BICDL1: variants seen among roughly 807,000 people sequenced by gnomAD.
The protein encoded by BICDL1 is BICD family-like cargo adapter 1.
Under a neutral mutation model 76.8 loss-of-function variants are expected in BICDL1, and 20 were observed. The observed-to-expected ratio is 0.26, with a 90% confidence interval of 0.18 to 0.38. BICDL1 has a LOEUF of 0.38. BICDL1 is among the 10% of genes least tolerant of loss of function. BICDL1 has a pLI of 1.00. For missense variants in BICDL1, 700 were observed against 798.6 expected (o/e 0.88, Z 1.49); for synonymous variants, 383 against 337.1 (o/e 1.14, Z -1.49).
intron 2 of BICDL1, among the ~76,000 whole-genome samples, chr12:120,027,678 G>A (rs553245413): frequency 2.0e-5 from 3 of 152,104 alleles, no homozygotes; most frequent in African/African-American, 7.2e-5. Flanking sequence ...AATCCAATTT[G>A]CACTCTGCAG....
At chr12:120,087,295 G>T (rs966208121) in intron 8 of BICDL1, among the ~76,000 whole-genome samples, 1 of 152,228 alleles carries the variant, frequency 6.6e-6, no homozygotes, top group East Asian at 1.9e-4. Context: ...GGGCTGACGC[G>T]GTGGCTGAGC....
At chr12:120,006,108 A>T (rs1172592187) in intron 2 of BICDL1, among the ~76,000 whole-genome samples, 1 of 152,190 alleles carries the variant, frequency 6.6e-6, no homozygotes, top group Non-Finnish European at 1.5e-5. Flanking sequence ...TGAGGTAATT[A>T]TCATCACAAA....
intron 2 of BICDL1, among the ~76,000 whole-genome samples, chr12:120,045,116 A>G (rs2138825522): frequency 6.6e-6 from 1 of 152,320 alleles, no homozygotes; most frequent in South Asian, 2.1e-4. Flanking sequence ...AAGGACATAA[A>G]CAGACACTTC....
At chr12:120,015,489 C>T (rs1235135056) in intron 2 of BICDL1, among the ~76,000 whole-genome samples, 1 of 152,172 alleles carries the variant, frequency 6.6e-6, no homozygotes, top group Non-Finnish European at 1.5e-5. Flanking sequence ...TTTGATCTCT[C>T]CTACTTACCA....
At chr12:120,000,868 A>T (rs1368564025) in intron 2 of BICDL1, among the ~76,000 whole-genome samples, 1 of 152,222 alleles carries the variant, frequency 6.6e-6, no homozygotes, top group Non-Finnish European at 1.5e-5. Flanking sequence ...TAATGTGTTT[A>T]TGTTAAACAG....
At chr12:120,020,099 T>C (rs1468893026) in intron 2 of BICDL1, among the ~76,000 whole-genome samples, 1 of 152,248 alleles carries the variant, frequency 6.6e-6, no homozygotes, top group East Asian at 1.9e-4. Context: ...GCACCCCCAG[T>C]GCCCATATTT....
At chr12:119,999,889 T>C in intron 2 of BICDL1, 1 of 374,876 alleles carries the variant, frequency 2.7e-6, no homozygotes, top group East Asian at 7.9e-5. Flanking sequence ...GATGTTCTCA[T>C]GGGAGCAGTG....
chr12:120,003,517 A>C (rs1430062607), intron 2 of BICDL1, among the ~76,000 whole-genome samples: 1 of 152,216 alleles, frequency 6.6e-6, no homozygotes, highest in East Asian at 1.9e-4. Flanking sequence ...TCACTCTTAC[A>C]CTGCGTGTAT....
At chr12:120,011,305 C>T (rs1216725341) in intron 2 of BICDL1, among the ~76,000 whole-genome samples, 4 of 152,170 alleles carry the variant, frequency 2.6e-5, no homozygotes, top group Non-Finnish European at 5.9e-5. Flanking sequence ...GAAATGTAGA[C>T]CAGCTTTTTG....
intron 2 of BICDL1, among the ~76,000 whole-genome samples, chr12:120,059,982 G>A (rs141326366): frequency 6.6e-6 from 1 of 152,292 alleles, no homozygotes; most frequent in Non-Finnish European, 1.5e-5. Context: ...CAAAGTGCTG[G>A]GATTACAGGC....
intron 8 of BICDL1, among the ~76,000 whole-genome samples, chr12:120,085,998 TAA>T (rs397850497): frequency 0.025 from 3,247 of 129,270 alleles, 113 homozygotes; most frequent in African/African-American, 0.07. Context: ...TTTCTCCCTT[TAA>T]AAAAAAAAAA....
At position 120,061,823 on chromosome 12, in the gene BICDL1, C is replaced by T. The variant is rs764088149; in HGVS notation, c.759C>T (p.Ala253=). ...QHIIRLESLQ[A]EIKMLSDRKR... is the part of the protein sequence containing the mutation. ...TTATCCGGCTGGAGAGCCTTCAGGCCGAGGTGAGCCTCCCGACACAGCAGT... is the reference window on the plus strand; with the variant it reads ...TTATCCGGCTGGAGAGCCTTCAGGCTGAGGTGAGCCTCCCGACACAGCAGT... The change falls in exon 3 of 10, where the codon GCC becomes GCT. Residue 253 remains alanine, a synonymous_variant. Transcript: ENST00000548673. The T allele has an allele frequency of 5.0e-6, 8 of 1,610,408 alleles. No homozygotes were observed. The highest frequency in any genetic ancestry group is 1.3e-5 in the African/African-American group (1 of 74,806).
At chr12:120,035,573 C>T (rs1046555457) in intron 2 of BICDL1, among the ~76,000 whole-genome samples, 4 of 152,218 alleles carry the variant, frequency 2.6e-5, no homozygotes, top group Non-Finnish European at 5.9e-5. Context: ...ACTCTAAAAC[C>T]CTGCTCTTAA....
chr12:120,017,436 A>G (rs937450396), intron 2 of BICDL1, among the ~76,000 whole-genome samples: 1 of 152,194 alleles, frequency 6.6e-6, no homozygotes, highest in African/African-American at 2.4e-5. Flanking sequence ...TTTATGCATC[A>G]TCTGTAAAAT....
intron 2 of BICDL1, among the ~76,000 whole-genome samples, chr12:120,008,577 A>G (rs1423089572): frequency 6.6e-6 from 1 of 152,110 alleles, no homozygotes; most frequent in Non-Finnish European, 1.5e-5. Context: ...CTTTTTGTAA[A>G]TCTTCCAGGA....
intron 1 of BICDL1, among the ~76,000 whole-genome samples, chr12:119,994,639 A>ATG (rs1951599436): frequency 6.6e-6 from 1 of 151,838 alleles, no homozygotes; most frequent in East Asian, 1.9e-4. Context: ...ACTGGTATAC[A>ATG]CCACCATGCC....
At chr12:120,004,925 G>A (rs1223190580) in intron 2 of BICDL1, among the ~76,000 whole-genome samples, 3 of 152,106 alleles carry the variant, frequency 2.0e-5, no homozygotes, top group East Asian at 1.9e-4. Context: ...AGGTTCAAGG[G>A]ATTCTCCTGT....
intron 9 of BICDL1, 136 bp downstream of exon 9, chr12:120,090,207 C>T: frequency 9.6e-7 from 1 of 1,040,956 alleles, no homozygotes; most frequent in Non-Finnish European, 1.4e-6. Context: ...CTTCACCTGG[C>T]AAGATCCAGA....
chr12:120,090,731 G>A (rs567642558), intron 9 of BICDL1: 2 of 405,462 alleles, frequency 4.9e-6, no homozygotes, highest in African/African-American at 2.1e-5. Flanking sequence ...GCTTTACAAG[G>A]TAAGCCCCCC....
Sources: gnomAD v4.1 joint callset for allele counts (sites outside exome capture counted in the v4.1 genomes callset) on GRCh38, gnomAD v4.1.1 for gene constraint, MANE v1.5 for transcripts, NCBI Gene and HGNC (gene_info 2026-07-23, HGNC 2026-07-21) for gene names.